RTF1: variants seen among roughly 807,000 people sequenced by gnomAD.
RTF1 encodes RNA polymerase-associated protein RTF1 homolog.
In RTF1, 10 loss-of-function variants were observed where a neutral mutation model predicts 95.7. The ratio of observed to expected loss-of-function variants is 0.10; its 90% CI spans 0.06 to 0.18. The LOEUF (loss-of-function observed/expected upper bound fraction) is 0.18. Among genes scored for constraint, RTF1 ranks in the 10% least tolerant of loss-of-function variants. RTF1 has a pLI of 1.00. For missense variants in RTF1, 458 were observed against 875.6 expected, an observed-to-expected ratio of 0.52 and a Z score of 6.02; for synonymous variants, 305 against 311.8, an observed-to-expected ratio of 0.98 and a Z score of 0.23.
intron 1 of RTF1, among the ~76,000 whole-genome samples, chr15:41,436,757 G>A (rs1259887947): frequency 6.6e-6 from 1 of 152,108 alleles, no homozygotes; most frequent in Non-Finnish European, 1.5e-5. Flanking sequence ...TCGTGCCACT[G>A]CACTCTAGAC....
intron 2 of RTF1, among the ~76,000 whole-genome samples, chr15:41,443,106 G>T (rs2050743916): frequency 6.6e-6 from 1 of 152,112 alleles, no homozygotes; most frequent in African/African-American, 2.4e-5. Context: ...AAGTTAATCG[G>T]TAATTTGTTT....
intron 3 of RTF1, among the ~76,000 whole-genome samples, chr15:41,455,831 A>T (rs2050811704): frequency 6.6e-6 from 1 of 151,704 alleles, no homozygotes; most frequent in African/African-American, 2.4e-5. Flanking sequence ...GGAGGGAGTG[A>T]GGGTTAAAAG....
intron 1 of RTF1, among the ~76,000 whole-genome samples, chr15:41,425,611 C>T (rs375274452): frequency 1.2e-3 from 180 of 152,162 alleles, no homozygotes; most frequent in African/African-American, 3.9e-3. Context: ...AGAATGGAAG[C>T]GCCAGGAGGG....
chr15:41,428,793 A>G (rs1021966637), intron 1 of RTF1, among the ~76,000 whole-genome samples: 2 of 151,828 alleles, frequency 1.3e-5, no homozygotes, highest in African/African-American at 4.8e-5. Flanking sequence ...GCTGGAGTGC[A>G]GTGGTGTGAT....
chr15:41,433,240 T>G (rs1254097017), intron 1 of RTF1, among the ~76,000 whole-genome samples: 1 of 151,714 alleles, frequency 6.6e-6, no homozygotes, highest in Non-Finnish European at 1.5e-5. Context: ...ATAGTGAGAG[T>G]CCATCTCAAA....
chr15:41,445,733 C>T (rs1595431219), intron 2 of RTF1, among the ~76,000 whole-genome samples: 1 of 149,540 alleles, frequency 6.7e-6, no homozygotes, highest in African/African-American at 2.5e-5. Flanking sequence ...CTCCTGACCC[C>T]ATTTTTTTTT....
At chr15:41,435,752 T>C (rs1215576415) in intron 1 of RTF1, among the ~76,000 whole-genome samples, 1 of 152,206 alleles carries the variant, frequency 6.6e-6, no homozygotes, top group Non-Finnish European at 1.5e-5. Flanking sequence ...AAACAGATAC[T>C]TTGTAGCAGT....
At chr15:41,438,988 T>G (rs1035569175) in intron 2 of RTF1, among the ~76,000 whole-genome samples, 4 of 150,536 alleles carry the variant, frequency 2.7e-5, no homozygotes, top group Non-Finnish European at 3.0e-5. Context: ...TTTTTCAGCC[T>G]TATTGCAGAA....
At chr15:41,480,108 A>G in intron 16 of RTF1, 106 bp from the exon 17 acceptor site, 1 of 714,270 alleles carries the variant, frequency 1.4e-6, no homozygotes, top group Non-Finnish European at 2.4e-6. Flanking sequence ...CTTAGTAGGA[A>G]AATCTAATGA....
In RTF1 at chr15:41,475,622, T is replaced by G; in HGVS notation, c.1374+10T>G. ...GAAGTGGAAAGAAGCGGTACGTGGC[T>G]AGAGATTACCTAGCAGTTGTTCGTG... On this transcript the variant is annotated intron_variant, in intron 10 of 17. Coordinates refer to ENST00000389629, the MANE Select transcript of RTF1 (RefSeq NM_015138.5). The G allele has an allele frequency of 6.2e-7, 1 of 1,612,596 alleles. No individual in the cohort carries two copies. The highest frequency in any genetic ancestry group is 8.5e-7 in the Non-Finnish European group (1 of 1,178,634).
intron 4 of RTF1, among the ~76,000 whole-genome samples, chr15:41,459,384 G>A (rs1355931930): frequency 6.6e-6 from 1 of 151,992 alleles, no homozygotes; most frequent in African/African-American, 2.4e-5. Context: ...TCAAAAAAAA[G>A]GGAGGGGAAT....
At chr15:41,427,920 G>A (rs1243902375) in intron 1 of RTF1, among the ~76,000 whole-genome samples, 1 of 151,870 alleles carries the variant, frequency 6.6e-6, no homozygotes, top group Non-Finnish European at 1.5e-5. Context: ...CCAAGTAGCT[G>A]GGATTACAAG....
chr15:41,423,004 C>G (rs527670112), intron 1 of RTF1, among the ~76,000 whole-genome samples: 6 of 152,150 alleles, frequency 3.9e-5, no homozygotes, highest in Non-Finnish European at 7.4e-5. Flanking sequence ...GAACTCCTGA[C>G]CTCGTGATCC....
chr15:41,471,531 G>A (rs1015644117), intron 8 of RTF1, among the ~76,000 whole-genome samples, 182 bp downstream of exon 8: 1 of 152,200 alleles, frequency 6.6e-6, no homozygotes, highest in Admixed American at 6.5e-5. Context: ...GTTGCCAAGA[G>A]GAGGACTTGG....
chr15:41,429,544 A>G (rs2050658080), intron 1 of RTF1, among the ~76,000 whole-genome samples: 1 of 151,562 alleles, frequency 6.6e-6, no homozygotes, highest in African/African-American at 2.4e-5. Context: ...CCCACTGCCT[A>G]ACTTCCATGC....
chr15:41,421,128 C>T (rs759350929), intron 1 of RTF1, among the ~76,000 whole-genome samples: 2 of 151,816 alleles, frequency 1.3e-5, no homozygotes, highest in African/African-American at 4.8e-5. Flanking sequence ...TTGAGATCAG[C>T]GTAGGCAACA....
chr15:41,455,825 G>A (rs2050811637), intron 3 of RTF1, among the ~76,000 whole-genome samples: 1 of 151,836 alleles, frequency 6.6e-6, no homozygotes, highest in Non-Finnish European at 1.5e-5. Context: ...ACTTGGGGAG[G>A]GAGTGAGGGT....
Position 41,476,541 on chromosome 15 carries a change from A to G in RTF1, c.1560+18A>G. The G allele has an allele frequency of 1.2e-6, 2 of 1,602,648 alleles. No homozygotes were observed. Among genetic ancestry groups the G allele is most frequent in the South Asian group, 2.2e-5 (2 of 90,764 alleles). On this transcript the variant is annotated intron_variant, in intron 12 of 17. Coordinates refer to ENST00000389629, the MANE Select transcript of RTF1 (RefSeq NM_015138.5). The stretch of plus-strand genomic sequence containing the variant: ...AGGAAAAGGTAAGGAGTTGTACTCG[A>G]GCCTCTTTCCTCATCCTGTAAGGAG...
chr15:41,435,900 C>G (rs2050699224), intron 1 of RTF1, among the ~76,000 whole-genome samples: 1 of 152,118 alleles, frequency 6.6e-6, no homozygotes, highest in Non-Finnish European at 1.5e-5. Flanking sequence ...GACTAGTAAG[C>G]CATGACTCAG....
Sources: allele counts gnomAD v4.1 joint callset (sites outside exome capture counted in the v4.1 genomes callset), GRCh38; gene constraint gnomAD v4.1.1; transcripts MANE v1.5; gene names NCBI Gene and HGNC (gene_info 2026-07-23, HGNC 2026-07-21).